PSTPIP2: variants seen among roughly 807,000 people sequenced by gnomAD.
The protein encoded by PSTPIP2 is proline-serine-threonine phosphatase-interacting protein 2.
PSTPIP2 carries 33 observed loss-of-function variants against 63.3 expected under a neutral mutation model. The observed-to-expected ratio is 0.52, with a 90% CI of 0.40 to 0.70. The LOEUF is 0.70. Ranked by LOEUF, PSTPIP2 falls within the 30% of genes least tolerant of loss-of-function variation. The pLI is 0.00. For missense variants in PSTPIP2, 312 were observed against 400.7 expected (o/e 0.78, Z 1.89); for synonymous variants, 125 against 132.7 (o/e 0.94, Z 0.40).
chr18:46,025,608 G>A lies in PSTPIP2; in HGVS notation c.135-922C>T, dbSNP rs1907549930. On this transcript the variant is annotated intron_variant, in intron 2 of 14. Coordinates refer to ENST00000409746, the MANE Select transcript of PSTPIP2 (RefSeq NM_024430.4). ...TAGAATGTTCCTTATCAGCACATAG[G>A]GATCCACCACATTCACAATATGGAG... Among the ~76,000 whole-genome samples the A allele has an allele frequency of 2.0e-5, 3 of 151,322 alleles. No individual in the cohort carries two copies. In the South Asian group the frequency reaches 6.3e-4, roughly 32 times the overall value.
chr18:46,044,118 G>A (rs1908292245), intron 1 of PSTPIP2, among the ~76,000 whole-genome samples: 1 of 152,140 alleles, frequency 6.6e-6, no homozygotes, highest in Admixed American at 6.5e-5. Flanking sequence ...AGTCTTTTCT[G>A]TAGAAATTTG....
At chr18:46,014,574 G>A (rs1216026999) in intron 4 of PSTPIP2, among the ~76,000 whole-genome samples, 4 of 152,042 alleles carry the variant, frequency 2.6e-5, no homozygotes, top group Admixed American at 6.6e-5. Context: ...TTAGCCAGAC[G>A]TAGTGGTGCA....
At chr18:45,998,166 T>C (rs1458999687) in intron 8 of PSTPIP2, among the ~76,000 whole-genome samples, 8 of 152,164 alleles carry the variant, frequency 5.3e-5, no homozygotes, top group African/African-American at 1.7e-4. Context: ...ATTTTCAAAA[T>C]TGTCTGATGA....
chr18:46,036,572 A>G (rs552375243), intron 2 of PSTPIP2, among the ~76,000 whole-genome samples: 1 of 152,344 alleles, frequency 6.6e-6, no homozygotes, highest in East Asian at 1.9e-4. Context: ...GTGGGTGGCA[A>G]GAAAGGCAGC....
chr18:46,009,388 AAAAC>A lies in PSTPIP2; in HGVS notation c.354+1789_354+1792del, dbSNP rs1355115113. 7.5e-3 allele frequency among the ~76,000 whole-genome samples: 807 copies of A among 108,168 alleles called. 77 individuals carry two copies. The East Asian group carries it at 0.11, about 15-fold the overall frequency. 71.0% of individuals were successfully genotyped at this position (108,168 alleles called of 152,430 possible). A position where few individuals can be genotyped will look rare whatever the true frequency, so the allele number is the denominator to read the frequency against. ...AAAAAAAAAAAAAAAAAAAAAAAAAAAAACCTAGCTAAATACGGAAGTGGTAAAA... is the reference window on the plus strand; with the variant it reads ...AAAAAAAAAAAAAAAAAAAAAAAAAACTAGCTAAATACGGAAGTGGTAAAA... On this transcript the variant is annotated intron_variant, in intron 5 of 14. Transcript: ENST00000409746.
chr18:45,989,928 C>T (rs2051508403), intron 13 of PSTPIP2: 1 of 152,294 alleles, frequency 6.6e-6, no homozygotes, highest in Non-Finnish European at 1.5e-5. Context: ...ATGTTGCAGC[C>T]AGACTGCCCT....
In PSTPIP2 at chr18:46,015,878, AT is replaced by A. The variant is rs541443633; in HGVS notation, c.247+24del. On this transcript the variant is annotated intron_variant, in intron 4 of 14. Transcript: ENST00000409746. ...AGGGCTTGTCAAGGGCAGTGAATACATTTTTTAAAAAAAAAATCACTTACGC... is the reference window on the plus strand; with the variant it reads ...AGGGCTTGTCAAGGGCAGTGAATACATTTTTAAAAAAAAAATCACTTACGC... 1,001 of 1,589,794 alleles carry A rather than the reference AT, an allele frequency of 6.3e-4. 3 individuals carry two copies. In the African/African-American group the frequency reaches 0.013, roughly 21 times the overall value.
chr18:46,039,910 G>T, intron 2 of PSTPIP2, 37 bp downstream of exon 2: 1 of 1,538,960 alleles, frequency 6.5e-7, no homozygotes, highest in Non-Finnish European at 9.0e-7. Flanking sequence ...AGACATCTTG[G>T]CCCACCCTCT....
At chr18:46,028,635 GA>G (rs1216838169) in intron 2 of PSTPIP2, 2 of 803,762 alleles carry the variant, frequency 2.5e-6, no homozygotes, top group Non-Finnish European at 4.3e-6. Flanking sequence ...AATTTGGGTG[GA>G]TGAAGAAGAT....
intron 4 of PSTPIP2, among the ~76,000 whole-genome samples, chr18:46,013,910 A>G (rs1470254012): frequency 1.3e-5 from 2 of 152,170 alleles, no homozygotes; most frequent in South Asian, 2.1e-4. Flanking sequence ...TACCATTCTC[A>G]AGAAGTCTGA....
At chr18:46,025,646 CAA>C (rs993592090) in intron 2 of PSTPIP2, among the ~76,000 whole-genome samples, 11 of 142,904 alleles carry the variant, frequency 7.7e-5, no homozygotes, top group Admixed American at 1.4e-4. Flanking sequence ...CTCTGTAGTA[CAA>C]AGTCTCCTGA....
intron 14 of PSTPIP2, among the ~76,000 whole-genome samples, chr18:45,986,092 T>A (rs888623159): frequency 6.6e-6 from 1 of 152,208 alleles, no homozygotes; most frequent in Non-Finnish European, 1.5e-5. Context: ...TTAAATTTAT[T>A]TTCCAAAAGT....
intron 1 of PSTPIP2, among the ~76,000 whole-genome samples, chr18:46,049,513 TAAG>T (rs1247721011): frequency 2.0e-5 from 3 of 148,942 alleles, no homozygotes; most frequent in East Asian, 3.9e-4. Context: ...AGATGACAAA[TAAG>T]GAGGAAAAAA....
At chr18:46,036,340 A>G (rs1240676450) in intron 2 of PSTPIP2, among the ~76,000 whole-genome samples, 2 of 152,088 alleles carry the variant, frequency 1.3e-5, no homozygotes, top group African/African-American at 4.8e-5. Context: ...CAATTGAAGA[A>G]ACTGAGGTTC....
intron 2 of PSTPIP2, among the ~76,000 whole-genome samples, chr18:46,037,761 C>T (rs376835054): frequency 2.6e-5 from 4 of 152,212 alleles, no homozygotes; most frequent in Admixed American, 6.5e-5. Flanking sequence ...TGCATCTCCA[C>T]GCCCAGGGCA....
At chr18:46,039,369 C>T (rs1214210143) in intron 2 of PSTPIP2, among the ~76,000 whole-genome samples, 1 of 152,180 alleles carries the variant, frequency 6.6e-6, no homozygotes, top group Non-Finnish European at 1.5e-5. Flanking sequence ...AGCTTTCCCA[C>T]AGCTCCTCAT....
intron 2 of PSTPIP2, chr18:46,029,469 A>T (rs956167845): frequency 4.4e-6 from 5 of 1,143,482 alleles, no homozygotes; most frequent in Non-Finnish European, 5.3e-6. Flanking sequence ...AGATTTGTTG[A>T]TTAAGGCAGT....
intron 1 of PSTPIP2, among the ~76,000 whole-genome samples, chr18:46,049,392 G>C (rs1908503117): frequency 6.6e-6 from 1 of 151,610 alleles, no homozygotes. Flanking sequence ...TAAATAATCT[G>C]TACAACAAAC....
intron 1 of PSTPIP2, among the ~76,000 whole-genome samples, chr18:46,041,465 C>G (rs1908193503): frequency 1.3e-5 from 2 of 152,126 alleles, no homozygotes; most frequent in Non-Finnish European, 2.9e-5. Context: ...CCAGTCTGGT[C>G]TCGAACTCCT....
Sources: gnomAD v4.1 joint callset for allele counts (sites outside exome capture counted in the v4.1 genomes callset) on GRCh38, gnomAD v4.1.1 for gene constraint, MANE v1.5 for transcripts, NCBI Gene and HGNC (gene_info 2026-07-23, HGNC 2026-07-21) for gene names.